AKAP6: variants seen among roughly 807,000 people sequenced by gnomAD.
AKAP6 encodes A-kinase anchor protein 6.
Under a neutral mutation model 188.5 loss-of-function variants are expected in AKAP6, and 58 were observed. That is an observed-to-expected ratio of 0.31 (90% CI 0.25 to 0.38). AKAP6 has a LOEUF of 0.38. Ranked by LOEUF, AKAP6 falls within the 10% of genes least tolerant of loss-of-function variation. The pLI, the probability that AKAP6 is intolerant of heterozygous loss-of-function variation, is 1.00. For synonymous variants in AKAP6, 989 were observed against 998.6 expected, an observed-to-expected ratio of 0.99 and a Z score of 0.18; for missense variants, 2,710 against 2,740.0, an observed-to-expected ratio of 0.99 and a Z score of 0.24.
At chr14:32,739,892 C>T (rs568279366) in intron 11 of AKAP6, among the ~76,000 whole-genome samples, 10 of 152,110 alleles carry the variant, frequency 6.6e-5, no homozygotes, top group Admixed American at 3.3e-4. Flanking sequence ...ATATACCTAG[C>T]GGTGGGATTG....
At chr14:32,395,508 T>C (rs931984352) in intron 1 of AKAP6, among the ~76,000 whole-genome samples, 2 of 152,086 alleles carry the variant, frequency 1.3e-5, no homozygotes, top group Non-Finnish European at 2.9e-5. Context: ...GGCTGGTAGA[T>C]TAGGTCAACC....
chr14:32,608,525 T>A (rs1886221365), intron 7 of AKAP6, among the ~76,000 whole-genome samples: 1 of 149,696 alleles, frequency 6.7e-6, no homozygotes. Context: ...AAAGCATAGC[T>A]TATTTTGTTT....
chr14:32,618,489 C>A (rs1886677704), intron 7 of AKAP6, among the ~76,000 whole-genome samples: 2 of 152,150 alleles, frequency 1.3e-5, no homozygotes, highest in Non-Finnish European at 2.9e-5. Flanking sequence ...GAATAATAAC[C>A]CTCACGTCCA....
chr14:32,552,098 C>T (rs1203595286), intron 4 of AKAP6, among the ~76,000 whole-genome samples: 3 of 152,158 alleles, frequency 2.0e-5, no homozygotes, highest in African/African-American at 7.2e-5. Context: ...ATCTCATGTA[C>T]CTAGAACAAT....
At chr14:32,418,112 G>A (rs1308797870) in intron 1 of AKAP6, 1 of 152,204 alleles carries the variant, frequency 6.6e-6, no homozygotes, top group Non-Finnish European at 1.5e-5. Context: ...GCAATGTCAT[G>A]AGATGATTGT....
chr14:32,443,753 G>T (rs921592294), intron 2 of AKAP6, among the ~76,000 whole-genome samples: 2 of 152,176 alleles, frequency 1.3e-5, no homozygotes, highest in African/African-American at 4.8e-5. Context: ...TATACGCAAA[G>T]GGAAGGAAGG....
chr14:32,336,485 A>C (rs1886707711), intron 1 of AKAP6, among the ~76,000 whole-genome samples: 1 of 152,320 alleles, frequency 6.6e-6, no homozygotes, highest in African/African-American at 2.4e-5. Context: ...CTAAGAGAAC[A>C]AACATTTTAC....
At chr14:32,485,449 T>C (rs974884324) in intron 2 of AKAP6, among the ~76,000 whole-genome samples, 1 of 152,170 alleles carries the variant, frequency 6.6e-6, no homozygotes, top group Admixed American at 6.5e-5. Flanking sequence ...AGCATTCCTA[T>C]TTCTCCATAG....
intron 1 of AKAP6, among the ~76,000 whole-genome samples, chr14:32,381,275 A>G (rs552283473): frequency 1.7e-4 from 26 of 151,986 alleles, no homozygotes; most frequent in South Asian, 6.2e-4. Flanking sequence ...GGGAGGCAGA[A>G]GTTGCAGTGA....
intron 2 of AKAP6, among the ~76,000 whole-genome samples, chr14:32,435,377 A>C (rs1374129134): frequency 6.6e-6 from 1 of 152,230 alleles, no homozygotes; most frequent in Non-Finnish European, 1.5e-5. Flanking sequence ...TGAGTCAATT[A>C]ACTTTATTGA....
chr14:32,690,015 A>G (rs1159439445), intron 8 of AKAP6, among the ~76,000 whole-genome samples: 1 of 151,586 alleles, frequency 6.6e-6, no homozygotes, highest in Non-Finnish European at 1.5e-5. Flanking sequence ...TGGTGTTTTT[A>G]GATGTCCTAG....
At chr14:32,643,018 A>G (rs1173302349) in intron 7 of AKAP6, among the ~76,000 whole-genome samples, 1 of 152,212 alleles carries the variant, frequency 6.6e-6, no homozygotes, top group East Asian at 1.9e-4. Context: ...ATAAAAGAAT[A>G]AATCGAGACT....
chr14:32,395,156 A>C (rs781108192), intron 1 of AKAP6, among the ~76,000 whole-genome samples: 7 of 152,148 alleles, frequency 4.6e-5, no homozygotes, highest in Non-Finnish European at 8.8e-5. Flanking sequence ...AGTTCCAAGC[A>C]GGCTAAATAT....
chr14:32,523,520 G>A (rs1252476406), intron 2 of AKAP6, among the ~76,000 whole-genome samples: 2 of 150,254 alleles, frequency 1.3e-5, no homozygotes, highest in South Asian at 2.1e-4. Flanking sequence ...CCAGGCTAGA[G>A]TGCAGTGATG....
chr14:32,585,001 A>G (rs1885165262), intron 5 of AKAP6, among the ~76,000 whole-genome samples: 2 of 151,146 alleles, frequency 1.3e-5, no homozygotes, highest in Admixed American at 6.6e-5. Context: ...AGCATAGTGA[A>G]TAACTGTCAT....
intron 1 of AKAP6, chr14:32,376,030 T>C (rs2138533603): frequency 6.6e-6 from 1 of 152,340 alleles, no homozygotes; most frequent in African/African-American, 2.4e-5. Context: ...GATCACTAGT[T>C]CCATGAGATG....
intron 11 of AKAP6, among the ~76,000 whole-genome samples, chr14:32,766,980 T>C (rs2032738791): frequency 6.6e-6 from 1 of 152,152 alleles, no homozygotes; most frequent in South Asian, 2.1e-4. Context: ...GTGTTAGTTT[T>C]GTAGATGGTG....
chr14:32,453,810 C>T (rs181328080), intron 2 of AKAP6, among the ~76,000 whole-genome samples: 2 of 147,196 alleles, frequency 1.4e-5, no homozygotes, highest in Non-Finnish European at 1.5e-5. Flanking sequence ...TGGTCTCGAT[C>T]TCCTGACCTC....
chr14:32,754,124 T>G (rs987174314), intron 11 of AKAP6, among the ~76,000 whole-genome samples: 1 of 152,134 alleles, frequency 6.6e-6, no homozygotes, highest in Non-Finnish European at 1.5e-5. Context: ...CTACTATAAT[T>G]GTATTGCTAT....
Sources: allele counts gnomAD v4.1 joint callset (sites outside exome capture counted in the v4.1 genomes callset), GRCh38; gene constraint gnomAD v4.1.1; transcripts MANE v1.5; gene names NCBI Gene and HGNC (gene_info 2026-07-23, HGNC 2026-07-21).